PCDH11X: variants seen among roughly 807,000 people sequenced by gnomAD.
The protein encoded by PCDH11X is protocadherin-11 X-linked.
PCDH11X carries 18 observed loss-of-function variants against 53.3 expected under a neutral mutation model. The ratio of observed to expected loss-of-function variants is 0.34; its 90% CI spans 0.23 to 0.50. The LOEUF (loss-of-function observed/expected upper bound fraction) is 0.50, where lower values mean the gene tolerates loss of function less well. Ranked by LOEUF, PCDH11X falls within the 20% of genes least tolerant of loss-of-function variation. The pLI is 0.98. For missense variants in PCDH11X, 570 were observed against 1,032.4 expected (o/e 0.55, Z 6.14); for synonymous variants, 279 against 393.3 (o/e 0.71, Z 3.44).
intron 6 of PCDH11X, among the ~76,000 whole-genome samples, chrX:91,944,068 T>C (rs1363559623): frequency 1.2e-5 from 1 of 84,503 alleles, no homozygotes; most frequent in Non-Finnish European, 2.3e-5. Flanking sequence ...TGTGTTCGCT[T>C]GCTCTTGTTC....
intron 6 of PCDH11X, among the ~76,000 whole-genome samples, chrX:92,086,175 A>T (rs894508766): frequency 9.0e-6 from 1 of 111,561 alleles, no homozygotes; most frequent in Non-Finnish European, 1.9e-5. Context: ...CTTAGTAAGG[A>T]AGATTTTGAC....
intron 7 of PCDH11X, among the ~76,000 whole-genome samples, chrX:92,207,034 A>C (rs1048967748): frequency 8.9e-6 from 1 of 111,951 alleles, no homozygotes; most frequent in Admixed American, 9.6e-5. Flanking sequence ...ATCTTTAAAA[A>C]TATTTTGATA....
chrX:92,469,081 AATTT>A (rs1283933276), intron 10 of PCDH11X, among the ~76,000 whole-genome samples: 1 of 103,522 alleles, frequency 9.7e-6, no homozygotes, highest in African/African-American at 3.5e-5. Flanking sequence ...TTATAACAAT[AATTT>A]ATTTCACTCA....
At chrX:92,543,091 T>A (rs2074784354) in intron 10 of PCDH11X, among the ~76,000 whole-genome samples, 1 of 106,516 alleles carries the variant, frequency 9.4e-6, no homozygotes, top group African/African-American at 3.4e-5. Context: ...AAGGAACTAG[T>A]GAGATTATAT....
chrX:92,125,733 T>G (rs1602994756), intron 6 of PCDH11X, among the ~76,000 whole-genome samples: 1 of 110,385 alleles, frequency 9.1e-6, no homozygotes, highest in Non-Finnish European at 1.9e-5. Flanking sequence ...CGTGCCATGT[T>G]GGTGTGCTGC....
chrX:91,911,305 T>C (rs979808633), intron 6 of PCDH11X, among the ~76,000 whole-genome samples: 3 of 109,111 alleles, frequency 2.7e-5, no homozygotes, highest in African/African-American at 1.0e-4. Context: ...TATCCTATCA[T>C]TTTATTTTTA....
At chrX:92,497,932 A>G (rs1400428166) in intron 10 of PCDH11X, among the ~76,000 whole-genome samples, 1 of 111,955 alleles carries the variant, frequency 8.9e-6, no homozygotes, top group African/African-American at 3.2e-5. Context: ...TTTCATGCAG[A>G]TATTGATCAT....
intron 5 of PCDH11X, among the ~76,000 whole-genome samples, chrX:91,864,824 C>G (rs777697923): frequency 1.6e-4 from 18 of 111,943 alleles, no homozygotes; most frequent in African/African-American, 5.5e-4. Flanking sequence ...TTCAGTATAT[C>G]TATTGCATTA....
At chrX:91,879,787 A>T in intron 6 of PCDH11X, 2 of 748,721 alleles carry the variant, frequency 2.7e-6, no homozygotes, top group Non-Finnish European at 3.1e-6. Flanking sequence ...GTCCTCATAA[A>T]GAAAAGTGTC....
chrX:92,546,565 C>A (rs2074859152), intron 10 of PCDH11X, among the ~76,000 whole-genome samples: 1 of 110,470 alleles, frequency 9.1e-6, no homozygotes. Context: ...AAAATAAGGT[C>A]ATGCCAAATT....
intron 6 of PCDH11X, among the ~76,000 whole-genome samples, chrX:92,072,396 G>A (rs1353176323): frequency 3.6e-5 from 4 of 110,938 alleles, no homozygotes; most frequent in Non-Finnish European, 5.7e-5. Flanking sequence ...CTGATAATGC[G>A]CTGAGTTTCC....
At chrX:92,364,117 T>C (rs1473260497) in intron 8 of PCDH11X, among the ~76,000 whole-genome samples, 1 of 111,868 alleles carries the variant, frequency 8.9e-6, no homozygotes, top group Admixed American at 9.5e-5. Flanking sequence ...TTTCTTATAG[T>C]GTCTTAGTCT....
At position 92,355,165 on chromosome X, in the gene PCDH11X, C is replaced by T. The variant is rs765913024; in HGVS notation, c.3145-32570C>T. 8.7e-5 allele frequency among the ~76,000 whole-genome samples: 9 copies of T among 103,603 alleles called. No individual in the cohort carries two copies. In the South Asian group the frequency reaches 4.5e-3, roughly 51 times the overall value. 90.0% of individuals were successfully genotyped at this position (103,603 alleles called of 115,157 possible). A position where few individuals can be genotyped will look rare whatever the true frequency, so the allele number is the denominator to read the frequency against. On this transcript the variant is annotated intron_variant, in intron 8 of 10. Transcript: ENST00000682573. ...TTATTAGGCCGGGCGCGGTGGTTCA[C>T]GCCTGTAATCCCAGCACTTTGGGAT...
intron 6 of PCDH11X, among the ~76,000 whole-genome samples, chrX:92,033,403 A>C (rs2063081867): frequency 1.0e-5 from 1 of 98,402 alleles, no homozygotes; most frequent in Admixed American, 1.1e-4. Context: ...ACTTCATATT[A>C]TTGTTTAGTT....
At chrX:91,907,887 G>T (rs906794078) in intron 6 of PCDH11X, among the ~76,000 whole-genome samples, 2 of 111,603 alleles carry the variant, frequency 1.8e-5, no homozygotes, top group African/African-American at 6.5e-5. Flanking sequence ...TGCAGTGTAT[G>T]GTTTTCTATT....
intron 10 of PCDH11X, among the ~76,000 whole-genome samples, chrX:92,474,887 C>T (rs373744303): frequency 8.2e-5 from 9 of 109,408 alleles, no homozygotes; most frequent in East Asian, 2.9e-4. Flanking sequence ...ATAGTTTGGC[C>T]GGGCGCGGTG....
At chrX:91,969,019 G>A (rs62605286) in intron 6 of PCDH11X, among the ~76,000 whole-genome samples, 15,729 of 110,222 alleles carry the variant, frequency 0.14, 1,004 homozygotes, top group East Asian at 0.23. Context: ...GAAAAGATGT[G>A]TGTTTTCTTT....
At chrX:92,184,779 C>T (rs1442544980) in intron 6 of PCDH11X, among the ~76,000 whole-genome samples, 1 of 111,149 alleles carries the variant, frequency 9.0e-6, no homozygotes, top group African/African-American at 3.3e-5. Context: ...CAGAGTGGCT[C>T]ATGCCTATAA....
intron 6 of PCDH11X, chrX:91,983,162 G>C: frequency 1.1e-6 from 1 of 940,017 alleles, no homozygotes; most frequent in East Asian, 3.1e-5. Context: ...ACCCTGTCTT[G>C]ATTTTAGCAT....
Sources: gnomAD v4.1 joint callset for allele counts (sites outside exome capture counted in the v4.1 genomes callset) on GRCh38, gnomAD v4.1.1 for gene constraint, MANE v1.5 for transcripts, NCBI Gene and HGNC (gene_info 2026-07-23, HGNC 2026-07-21) for gene names.